The following MILR1 variants were observed in gnomAD, a reference collection of about 807,000 sequenced individuals.
MILR1 encodes the protein mast cell immunoglobulin like receptor 1.
MILR1 carries 31 observed loss-of-function variants against 18.5 expected under a neutral mutation model. The ratio of observed to expected loss-of-function variants is 1.68; its 90% confidence interval spans 1.26 to 2.26. MILR1 has a LOEUF of 2.26. Ranked by LOEUF, MILR1 falls within the 30% of genes most tolerant of loss-of-function variation. The pLI is 0.00. For synonymous variants in MILR1, 85 were observed against 56.2 expected, an observed-to-expected ratio of 1.51 and a Z score of -2.30; for missense variants, 257 against 157.4, an observed-to-expected ratio of 1.63 and a Z score of -3.38.
At chr17:64,450,416 T>C (rs2037143128) in intron 2 of MILR1, among the ~76,000 whole-genome samples, 2 of 152,184 alleles carry the variant, frequency 1.3e-5, no homozygotes, top group African/African-American at 4.8e-5. Context: ...CCTCCTCCAA[T>C]TCTTCTCCCC....
At chr17:64,490,712 G>C in the MILR1 span, 1 of 1,058,148 alleles carries the variant, frequency 9.5e-7, no homozygotes. Context: ...AAGACACCAC[G>C]TTTGCACCTT....
intron 2 of MILR1, among the ~76,000 whole-genome samples, chr17:64,450,003 A>G (rs2037130757): frequency 6.6e-6 from 1 of 151,324 alleles, no homozygotes; most frequent in African/African-American, 2.4e-5. Flanking sequence ...CAGTGGTGCA[A>G]TCTCGGCTCA....
chr17:64,481,415 CCAGA>C, the MILR1 span: 2 of 985,142 alleles, frequency 2.0e-6, no homozygotes, highest in African/African-American at 3.5e-5. Flanking sequence ...TCTCAATCAC[CCAGA>C]CAGAAATGAC....
chr17:64,480,270 A>C, the MILR1 span: 1 of 1,185,122 alleles, frequency 8.4e-7, no homozygotes, highest in Admixed American at 1.8e-5. Flanking sequence ...ACACTCTTTA[A>C]TGAAAATACA....
the MILR1 span, chr17:64,491,937 A>AC: frequency 4.5e-6 from 1 of 223,206 alleles, no homozygotes. Context: ...AAAAAAAAAA[A>AC]ACAAAAAAAA....
chr17:64,480,952 G>A, the MILR1 span, among the ~76,000 whole-genome samples: 560 of 152,300 alleles, frequency 3.7e-3, 4 homozygotes, highest in Middle Eastern at 0.02. Context: ...AAGTAACGAT[G>A]AATAAATGAC....
At chr17:64,464,071 C>T (rs1471491749) in intron 5 of MILR1, among the ~76,000 whole-genome samples, 1 of 151,460 alleles carries the variant, frequency 6.6e-6, no homozygotes, top group Non-Finnish European at 1.5e-5. Flanking sequence ...ATCCGCCCAC[C>T]GCGGCCTCCC....
At chr17:64,477,957 A>C in the MILR1 span, 2 of 1,613,994 alleles carry the variant, frequency 1.2e-6, no homozygotes, top group Non-Finnish European at 1.7e-6. Flanking sequence ...TCAGTAACCA[A>C]AACTGTGAAG....
chr17:64,490,222 C>T, the MILR1 span, among the ~76,000 whole-genome samples: 6 of 152,000 alleles, frequency 3.9e-5, no homozygotes, highest in East Asian at 1.9e-4. Flanking sequence ...TGCGCCTGGC[C>T]GTTAATTAAT....
chr17:64,453,584 G>T (rs1022419416), intron 3 of MILR1, among the ~76,000 whole-genome samples: 6 of 148,128 alleles, frequency 4.1e-5, no homozygotes, highest in Non-Finnish European at 7.4e-5. Flanking sequence ...CTTGGAGAGG[G>T]TCTTCAAAGC....
intron 6 of MILR1, among the ~76,000 whole-genome samples, chr17:64,466,181 A>G (rs1304959408): frequency 6.6e-6 from 1 of 152,174 alleles, no homozygotes; most frequent in Non-Finnish European, 1.5e-5. Context: ...GAACTAACTC[A>G]CTGTCACTAG....
the MILR1 span, chr17:64,481,422 G>A: frequency 8.1e-6 from 8 of 985,216 alleles, no homozygotes; most frequent in African/African-American, 1.0e-4. Flanking sequence ...CACCCAGACA[G>A]AAATGACGAC....
At chr17:64,460,172 C>T (rs1253484312) in intron 4 of MILR1, among the ~76,000 whole-genome samples, 3 of 151,934 alleles carry the variant, frequency 2.0e-5, no homozygotes, top group South Asian at 2.1e-4. Context: ...AATACAGGCA[C>T]GCGCCACCAG....
the MILR1 span, chr17:64,492,953 T>G: frequency 1.2e-6 from 2 of 1,614,008 alleles, no homozygotes; most frequent in Non-Finnish European, 1.7e-6. Flanking sequence ...CACACTCCAA[T>G]CTGAGCAAGG....
At chr17:64,485,611 T>C in the MILR1 span, 1 of 847,846 alleles carries the variant, frequency 1.2e-6, no homozygotes, top group Non-Finnish European at 2.0e-6. Flanking sequence ...ATACTTAGAC[T>C]ACATGCACTA....
At chr17:64,468,943 TG>T (rs1162330648), downstream of MILR1, among the ~76,000 whole-genome samples, 2 of 151,790 alleles carry the variant, frequency 1.3e-5, no homozygotes, top group Non-Finnish European at 2.9e-5. Flanking sequence ...AAAAATTAGC[TG>T]GGCACAGTGG....
At chr17:64,459,362 G>A (rs1202147065) in intron 4 of MILR1, among the ~76,000 whole-genome samples, 3 of 152,114 alleles carry the variant, frequency 2.0e-5, no homozygotes, top group Admixed American at 1.3e-4. Flanking sequence ...GAGCCTGAGA[G>A]GTCGAGGCTG....
At chr17:64,467,028 T>C (rs201874341) in intron 8 of MILR1, among the ~76,000 whole-genome samples, 1 of 89,892 alleles carries the variant, frequency 1.1e-5, no homozygotes. Flanking sequence ...TTCTTTCTCT[T>C]TCTTTCTTTC....
chr17:64,485,848 AT>A, the MILR1 span: 1 of 1,614,068 alleles, frequency 6.2e-7, no homozygotes, highest in Non-Finnish European at 8.5e-7. Flanking sequence ...AAGGAACCAC[AT>A]TTTTTCGTCC....
Sources: allele counts gnomAD v4.1 joint callset (sites outside exome capture counted in the v4.1 genomes callset), GRCh38; gene constraint gnomAD v4.1.1; transcripts MANE v1.5; gene names NCBI Gene and HGNC (gene_info 2026-07-23, HGNC 2026-07-21).